Variants in FRK observed in about 807,000 individuals in gnomAD.
FRK encodes the protein tyrosine-protein kinase FRK.
FRK carries 51 observed loss-of-function variants against 56.4 expected under a neutral mutation model. That is an observed-to-expected ratio of 0.90 (90% confidence interval 0.72 to 1.14). The LOEUF (loss-of-function observed/expected upper bound fraction) is 1.14, where lower values mean the gene tolerates loss of function less well. Ranked by LOEUF, FRK falls within the 50% of genes most tolerant of loss-of-function variation. The pLI, the probability that FRK is intolerant of heterozygous loss-of-function variation, is 0.00. For missense variants in FRK, 570 were observed against 601.4 expected (o/e 0.95, Z 0.55); for synonymous variants, 245 against 217.9 (o/e 1.12, Z -1.10).
At chr6:116,035,338 T>A (rs1488619163) in intron 1 of FRK, among the ~76,000 whole-genome samples, 1 of 152,066 alleles carries the variant, frequency 6.6e-6, no homozygotes, top group Admixed American at 6.6e-5. Flanking sequence ...GGTCAAAAAT[T>A]GTTCTAAGAA....
At chr6:116,079,878 C>T in the FRK span, among the ~76,000 whole-genome samples, 27,109 of 152,018 alleles carry the variant, frequency 0.18, 2,884 homozygotes, top group African/African-American at 0.29. Flanking sequence ...TTGGCCATAA[C>T]AACTCTCTTC....
the FRK span, among the ~76,000 whole-genome samples, chr6:116,080,412 C>A: frequency 2.0e-5 from 3 of 152,166 alleles, no homozygotes; most frequent in Non-Finnish European, 4.4e-5. Flanking sequence ...CCTCAGACTC[C>A]CAAAGTGCTA....
intron 1 of FRK, among the ~76,000 whole-genome samples, chr6:116,046,588 A>G (rs191652246): frequency 6.6e-6 from 1 of 152,142 alleles, no homozygotes; most frequent in Non-Finnish European, 1.5e-5. Context: ...CAATGAGAAC[A>G]TGTGGACACA....
At chr6:116,051,415 T>C (rs1448674287) in intron 1 of FRK, among the ~76,000 whole-genome samples, 1 of 152,030 alleles carries the variant, frequency 6.6e-6, no homozygotes, top group Non-Finnish European at 1.5e-5. Flanking sequence ...ACTAAAAAAC[T>C]TTGTAGAAAA....
chr6:115,989,187 G>A (rs979365890), intron 2 of FRK, among the ~76,000 whole-genome samples: 1 of 151,956 alleles, frequency 6.6e-6, no homozygotes, highest in Admixed American at 6.6e-5. Flanking sequence ...AGCTTTGTTA[G>A]TTATTCAAGC....
chr6:115,994,212 G>A (rs988766412), intron 2 of FRK, among the ~76,000 whole-genome samples: 3 of 151,578 alleles, frequency 2.0e-5, no homozygotes, highest in South Asian at 2.1e-4. Context: ...TCAAGTGCAC[G>A]TAACTGCTGA....
the FRK span, among the ~76,000 whole-genome samples, chr6:116,093,651 G>T: frequency 2.6e-5 from 4 of 152,222 alleles, no homozygotes; most frequent in Non-Finnish European, 4.4e-5. Flanking sequence ...AGATCATGGG[G>T]ACTGGAGTTG....
Position 116,049,384 on chromosome 6 carries a change from G to T in FRK, c.344+10584C>A, listed in dbSNP as rs940509023. On this transcript the variant is annotated intron_variant, in intron 1 of 7. Transcript: ENST00000606080. ...AGAAATTCAGCTTGGTAAGCATTGAGTAAAACTAAATAAGACAGTCTTTCT... is the reference window on the plus strand; with the variant it reads ...AGAAATTCAGCTTGGTAAGCATTGATTAAAACTAAATAAGACAGTCTTTCT... 5.3e-5 allele frequency among the ~76,000 whole-genome samples: 8 copies of T among 152,264 alleles called. 1 individual carries two copies. The South Asian group carries it at 1.5e-3, about 28-fold the overall frequency.
At chr6:116,062,755 C>A (rs781565191), upstream of FRK, among the ~76,000 whole-genome samples, 1 of 152,166 alleles carries the variant, frequency 6.6e-6, no homozygotes, top group African/African-American at 2.4e-5. Context: ...GAGAAGGTTT[C>A]TTTGTGTCCA....
intron 1 of FRK, among the ~76,000 whole-genome samples, chr6:116,018,085 C>T (rs1305268880): frequency 6.6e-6 from 1 of 152,122 alleles, no homozygotes; most frequent in Non-Finnish European, 1.5e-5. Flanking sequence ...AAAACTTTTT[C>T]CCTTATGTCT....
rs1772810640 is a variant in FRK at position 115,952,628 on chromosome 6, T to C, written c.958+3824A>G. Among the ~76,000 whole-genome samples, 6 of 151,474 alleles carry C rather than the reference T, an allele frequency of 4.0e-5. No individual in the cohort carries two copies. The Admixed American group carries it at 4.0e-4, about 10-fold the overall frequency. The stretch of plus-strand genomic sequence containing the variant: ...CTATAAAGACACATGCACATGTATG[T>C]TTATTGCGGCACTATTCACAATAGC... On this transcript the variant is annotated intron_variant, in intron 5 of 7. Coordinates refer to ENST00000606080, the MANE Select transcript of FRK (RefSeq NM_002031.3).
At chr6:115,960,203 C>G (rs1283336628) in intron 4 of FRK, among the ~76,000 whole-genome samples, 1 of 150,762 alleles carries the variant, frequency 6.6e-6, no homozygotes, top group Non-Finnish European at 1.5e-5. Flanking sequence ...GTGCGCGAGC[C>G]GAAGCAGGGC....
the FRK span, among the ~76,000 whole-genome samples, chr6:116,087,561 T>C: frequency 6.6e-6 from 1 of 152,242 alleles, no homozygotes; most frequent in African/African-American, 2.4e-5. Flanking sequence ...CTATTTATGG[T>C]AATTTCCACT....
At chr6:116,055,355 A>G (rs1777349827) in intron 1 of FRK, among the ~76,000 whole-genome samples, 1 of 152,232 alleles carries the variant, frequency 6.6e-6, no homozygotes, top group Non-Finnish European at 1.5e-5. Context: ...CAAGTTACAA[A>G]TATTTATTCT....
At chr6:116,079,572 A>G in the FRK span, among the ~76,000 whole-genome samples, 1 of 152,024 alleles carries the variant, frequency 6.6e-6, no homozygotes, top group Non-Finnish European at 1.5e-5. Context: ...TTTATGGATA[A>G]TATTTATTAT....
At chr6:116,062,380 T>G (rs1318273977), upstream of FRK, among the ~76,000 whole-genome samples, 1 of 151,364 alleles carries the variant, frequency 6.6e-6, no homozygotes, top group Non-Finnish European at 1.5e-5. Context: ...ATAATGGATG[T>G]AAAAGCATAG....
At chr6:116,038,997 A>G (rs1776605192) in intron 1 of FRK, 1 of 723,518 alleles carries the variant, frequency 1.4e-6, no homozygotes, top group Admixed American at 1.8e-5. Context: ...CAGCCCTGGC[A>G]TGATCAAAGA....
At chr6:115,943,414 T>G (rs1358397537) in intron 6 of FRK, among the ~76,000 whole-genome samples, 2 of 144,158 alleles carry the variant, frequency 1.4e-5, no homozygotes, top group East Asian at 4.0e-4. Flanking sequence ...GTGCCAAGAA[T>G]AGCACTGAAA....
chr6:115,980,477 CT>C (rs1774159127), intron 2 of FRK, among the ~76,000 whole-genome samples: 1 of 152,088 alleles, frequency 6.6e-6, no homozygotes, highest in South Asian at 2.1e-4. Flanking sequence ...GCTGAGGTTC[CT>C]TGTGGAAACC....
Sources: gnomAD v4.1 joint callset for allele counts (sites outside exome capture counted in the v4.1 genomes callset) on GRCh38, gnomAD v4.1.1 for gene constraint, MANE v1.5 for transcripts, NCBI Gene and HGNC (gene_info 2026-07-23, HGNC 2026-07-21) for gene names.